TMEM163: variants seen among roughly 807,000 people sequenced by gnomAD.
TMEM163 encodes the protein transmembrane protein 163.
In TMEM163, 17 loss-of-function variants were observed where a neutral mutation model predicts 29.3. That is an observed-to-expected ratio of 0.58 (90% CI 0.40 to 0.87). TMEM163 has a LOEUF of 0.87. Among genes scored for constraint, TMEM163 ranks in the 40% least tolerant of loss-of-function variants. TMEM163 has a pLI of 0.00. For missense variants in TMEM163, 303 were observed against 381.5 expected (o/e 0.79, Z 1.71); for synonymous variants, 157 against 160.6 (o/e 0.98, Z 0.17).
chr2:134,458,622 A>G (rs1686455980), intron 6 of TMEM163: 1 of 165,012 alleles, frequency 6.1e-6, no homozygotes, highest in Non-Finnish European at 1.3e-5. Context: ...GTGGTTACCT[A>G]TAACCTTTCT....
At chr2:134,511,159 G>GGC (rs1553475812) in intron 4 of TMEM163, among the ~76,000 whole-genome samples, 1 of 150,232 alleles carries the variant, frequency 6.7e-6, no homozygotes, top group African/African-American at 2.5e-5. Flanking sequence ...AAGGCGGGGG[G>GGC]GGGTGCTGTT....
At chr2:134,469,356 C>T (rs1686741114) in intron 5 of TMEM163, 1 of 152,172 alleles carries the variant, frequency 6.6e-6, no homozygotes, top group Non-Finnish European at 1.5e-5. Context: ...GCTTCAAAAG[C>T]ACTGAAGCGG....
intron 6 of TMEM163, among the ~76,000 whole-genome samples, chr2:134,461,312 TAA>T (rs1686529642): frequency 6.6e-6 from 1 of 151,748 alleles, no homozygotes; most frequent in East Asian, 1.9e-4. Context: ...TATTCTAATT[TAA>T]AAGTTTCTTG....
chr2:134,698,593 C>T (rs1351733482), intron 2 of TMEM163, among the ~76,000 whole-genome samples: 2 of 151,854 alleles, frequency 1.3e-5, no homozygotes, highest in African/African-American at 2.4e-5. Flanking sequence ...TTCCTTTCTT[C>T]TATTTATCTT....
intron 2 of TMEM163, among the ~76,000 whole-genome samples, chr2:134,707,897 C>CTTTTTTTTTT: frequency 7.5e-6 from 1 of 133,666 alleles, no homozygotes; most frequent in African/African-American, 2.7e-5. Context: ...CAGACCAGAA[C>CTTTTTTTTTT]TTTTTTTTTT....
In TMEM163 at chr2:134,553,723, C is replaced by G. The variant is rs528807429; in HGVS notation, c.323-1632G>C. 3.3e-5 allele frequency among the ~76,000 whole-genome samples: 5 copies of G among 152,306 alleles called. No individual in the cohort carries two copies. In the East Asian group the frequency reaches 7.7e-4, roughly 24 times the overall value. On this transcript the variant is annotated intron_variant, in intron 2 of 7. Transcript: ENST00000281924. ...GTCCCTGCTGTTGCTCTTACTGGCA[C>G]AGGGAGAAGGGCAGAGCCAGCTGTG...
At chr2:134,572,103 A>C (rs545497969) in intron 2 of TMEM163, among the ~76,000 whole-genome samples, 135 of 152,348 alleles carry the variant, frequency 8.9e-4, no homozygotes, top group Non-Finnish European at 1.4e-3. Context: ...TCTCTACACA[A>C]GACCAAAGTT....
At chr2:134,547,740 G>C (rs749909689) in intron 4 of TMEM163, among the ~76,000 whole-genome samples, 1 of 152,192 alleles carries the variant, frequency 6.6e-6, no homozygotes, top group Non-Finnish European at 1.5e-5. Flanking sequence ...CATTGGCATT[G>C]TCACGTGAAC....
intron 5 of TMEM163, among the ~76,000 whole-genome samples, chr2:134,474,159 C>T (rs1296717658): frequency 2.6e-5 from 4 of 152,170 alleles, no homozygotes; most frequent in African/African-American, 7.2e-5. Context: ...GATAATACAA[C>T]ATGACCAAAC....
chr2:134,598,899 T>G, intron 2 of TMEM163, among the ~76,000 whole-genome samples: 1 of 142,770 alleles, frequency 7.0e-6, no homozygotes, highest in African/African-American at 2.7e-5. Context: ...CCAGCCTGGG[T>G]GACAGAGTGA....
intron 6 of TMEM163, among the ~76,000 whole-genome samples, chr2:134,465,602 C>T (rs1374131081): frequency 1.1e-4 from 17 of 152,258 alleles, no homozygotes; most frequent in Admixed American, 1.1e-3. Context: ...CACAGGGACA[C>T]ACACAGACTT....
chr2:134,548,469 G>A (rs1045694869), intron 4 of TMEM163, among the ~76,000 whole-genome samples: 4 of 152,190 alleles, frequency 2.6e-5, no homozygotes, highest in Admixed American at 6.5e-5. Flanking sequence ...CTTCTGACAC[G>A]ACAGTGGCTA....
At chr2:134,479,718 A>G (rs1003490443) in intron 5 of TMEM163, among the ~76,000 whole-genome samples, 1 of 152,188 alleles carries the variant, frequency 6.6e-6, no homozygotes, top group Non-Finnish European at 1.5e-5. Flanking sequence ...AGGCTTGTAA[A>G]AATGAGGTAA....
At chr2:134,717,621 C>T (rs1685063419) in intron 1 of TMEM163, among the ~76,000 whole-genome samples, 1 of 152,102 alleles carries the variant, frequency 6.6e-6, no homozygotes, top group Admixed American at 6.5e-5. Context: ...TATATAAACC[C>T]GCCATAGCCA....
chr2:134,663,010 A>T (rs1683789664), intron 2 of TMEM163, among the ~76,000 whole-genome samples: 1 of 151,990 alleles, frequency 6.6e-6, no homozygotes. Context: ...GACAAGTCAT[A>T]CTCTCTGGCG....
intron 2 of TMEM163, among the ~76,000 whole-genome samples, chr2:134,655,902 C>T (rs28838333): frequency 0.52 from 70,004 of 134,648 alleles, 21,273 homozygotes; most frequent in Non-Finnish European, 0.58. Context: ...GCAGTCTGCC[C>T]GTTCTCAGAT....
intron 4 of TMEM163, among the ~76,000 whole-genome samples, chr2:134,530,874 C>T (rs1333132370): frequency 2.6e-5 from 4 of 152,276 alleles, no homozygotes; most frequent in African/African-American, 7.2e-5. Flanking sequence ...CACAGACAAG[C>T]GCACGCACAC....
At chr2:134,486,638 C>T (rs1039164571) in intron 5 of TMEM163, among the ~76,000 whole-genome samples, 1 of 152,106 alleles carries the variant, frequency 6.6e-6, no homozygotes, top group African/African-American at 2.4e-5. Context: ...GTAACAGGCC[C>T]GGTTTTACAG....
chr2:134,495,883 T>C (rs975288046), intron 5 of TMEM163, among the ~76,000 whole-genome samples: 1 of 152,300 alleles, frequency 6.6e-6, no homozygotes, highest in Admixed American at 6.5e-5. Context: ...ACCAGTCTGC[T>C]TTTCTTCTAT....
Sources: gnomAD v4.1 joint callset for allele counts (sites outside exome capture counted in the v4.1 genomes callset) on GRCh38, gnomAD v4.1.1 for gene constraint, MANE v1.5 for transcripts, NCBI Gene and HGNC (gene_info 2026-07-23, HGNC 2026-07-21) for gene names.